DUSP13B: variants seen among roughly 807,000 people sequenced by gnomAD.
DUSP13B encodes the protein dual specificity phosphatase 13B, also known as dual specificity protein phosphatase 13B.
chr10:75,095,147 G>A, the DUSP13B span, among the ~76,000 whole-genome samples: 1 of 152,236 alleles, frequency 6.6e-6, no homozygotes, highest in Non-Finnish European at 1.5e-5. Flanking sequence ...GCCAGGGGAA[G>A]GGGGTTTACT....
chr10:75,098,295 G>A, the DUSP13B span, among the ~76,000 whole-genome samples: 1 of 152,184 alleles, frequency 6.6e-6, no homozygotes, highest in Non-Finnish European at 1.5e-5. Flanking sequence ...ACCAACCTAA[G>A]CAGCTCATCT....
chr10:75,097,898 G>A, the DUSP13B span: 1 of 1,564,612 alleles, frequency 6.4e-7, no homozygotes, highest in Non-Finnish European at 8.7e-7. Context: ...GGAACAGAGT[G>A]GACACCGCAG....
the DUSP13B span, among the ~76,000 whole-genome samples, chr10:75,104,351 G>C: frequency 9.9e-5 from 15 of 152,272 alleles, no homozygotes; most frequent in South Asian, 3.1e-3. Flanking sequence ...GCTCTGTATG[G>C]CTGCACAGGC....
chr10:75,098,299 C>T, the DUSP13B span, among the ~76,000 whole-genome samples: 1 of 152,212 alleles, frequency 6.6e-6, no homozygotes, highest in African/African-American at 2.4e-5. Context: ...ACCTAAGCAG[C>T]TCATCTCAAG....
At chr10:75,096,291 T>C in the DUSP13B span, among the ~76,000 whole-genome samples, 1 of 151,830 alleles carries the variant, frequency 6.6e-6, no homozygotes, top group South Asian at 2.1e-4. Context: ...TAGACTCCTT[T>C]TCAGGCCAGG....
At chr10:75,099,228 G>C in the DUSP13B span, 1 of 1,232,274 alleles carries the variant, frequency 8.1e-7, no homozygotes, top group African/African-American at 1.5e-5. Flanking sequence ...AGTGACTAGG[G>C]AAGGTGCATA....
At chr10:75,101,617 A>T in the DUSP13B span, among the ~76,000 whole-genome samples, 1 of 152,188 alleles carries the variant, frequency 6.6e-6, no homozygotes, top group Non-Finnish European at 1.5e-5. Context: ...ACAGATGAGG[A>T]AACCGAGACT....
the DUSP13B span, chr10:75,101,746 C>T: frequency 1.7e-6 from 1 of 598,104 alleles, no homozygotes; most frequent in Non-Finnish European, 2.8e-6. Flanking sequence ...CTGACCCAGT[C>T]GGTTCTCTAC....
At chr10:75,101,810 A>T in the DUSP13B span, 1 of 1,135,520 alleles carries the variant, frequency 8.8e-7, no homozygotes, top group Non-Finnish European at 1.2e-6. Flanking sequence ...GGCCCTCATT[A>T]CCCAGCATGC....
chr10:75,094,879 C>CT, the DUSP13B span: 11 of 1,613,796 alleles, frequency 6.8e-6, no homozygotes, highest in Non-Finnish European at 9.3e-6. Context: ...AGCACGCGGC[C>CT]TGTAGGGAGA....
At chr10:75,106,585 C>T in the DUSP13B span, among the ~76,000 whole-genome samples, 1 of 152,186 alleles carries the variant, frequency 6.6e-6, no homozygotes. Context: ...CCCCACCTTC[C>T]CGATCCTCTG....
At chr10:75,108,954 A>C in the DUSP13B span, 61 of 1,545,622 alleles carry the variant, frequency 3.9e-5, no homozygotes, top group East Asian at 1.4e-3. Flanking sequence ...TAAAGCGACC[A>C]AGAACTGCCT....
At chr10:75,107,071 CA>C in the DUSP13B span, among the ~76,000 whole-genome samples, 1 of 152,152 alleles carries the variant, frequency 6.6e-6, no homozygotes, top group East Asian at 1.9e-4. Flanking sequence ...TGCGGTGGCT[CA>C]TGCCTATAAT....
the DUSP13B span, chr10:75,109,049 G>A: frequency 9.9e-6 from 16 of 1,611,180 alleles, no homozygotes; most frequent in East Asian, 2.3e-5. Flanking sequence ...TCGTCCACAC[G>A]GCTGCAAGAA....
the DUSP13B span, chr10:75,094,543 C>G: frequency 5.1e-6 from 5 of 983,212 alleles, no homozygotes; most frequent in Non-Finnish European, 7.4e-6. Context: ...CACCACCCAG[C>G]TATCCCTGCC....
chr10:75,094,639 T>C, the DUSP13B span: 2 of 1,606,698 alleles, frequency 1.2e-6, no homozygotes, highest in East Asian at 2.2e-5. Context: ...GCTGGTGGGG[T>C]TGGGCCAAGG....
chr10:75,101,222 G>A, the DUSP13B span, among the ~76,000 whole-genome samples: 1 of 152,172 alleles, frequency 6.6e-6, no homozygotes. Flanking sequence ...CAGCTATGTG[G>A]TCTTGTCTTC....
At chr10:75,100,591 C>A in the DUSP13B span, among the ~76,000 whole-genome samples, 1 of 152,166 alleles carries the variant, frequency 6.6e-6, no homozygotes, top group Non-Finnish European at 1.5e-5. Flanking sequence ...GGCCCAACGT[C>A]CAGCAGGGCC....
chr10:75,107,102 G>A, the DUSP13B span, among the ~76,000 whole-genome samples: 4 of 152,302 alleles, frequency 2.6e-5, no homozygotes, highest in South Asian at 2.1e-4. Context: ...TTGGGAGGCC[G>A]AGGCAGACAG....
Sources: allele counts gnomAD v4.1 joint callset (sites outside exome capture counted in the v4.1 genomes callset), GRCh38; gene constraint gnomAD v4.1.1; transcripts MANE v1.5; gene names NCBI Gene and HGNC (gene_info 2026-07-23, HGNC 2026-07-21).